JAKMIP3: variants seen among roughly 807,000 people sequenced by gnomAD.
JAKMIP3 encodes janus kinase and microtubule-interacting protein 3.
JAKMIP3 carries 58 observed loss-of-function variants against 118.5 expected under a neutral mutation model. The observed-to-expected ratio is 0.49, with a 90% confidence interval of 0.40 to 0.61. The LOEUF (loss-of-function observed/expected upper bound fraction) is 0.61, where lower values mean the gene tolerates loss of function less well. Among genes scored for constraint, JAKMIP3 ranks in the 20% least tolerant of loss-of-function variants. JAKMIP3 has a pLI of 0.00. For missense variants in JAKMIP3, 950 were observed against 1,109.0 expected (o/e 0.86, Z 2.04); for synonymous variants, 486 against 451.2 (o/e 1.08, Z -0.98).
chr10:132,110,281 C>T (rs568364459), intron 2 of JAKMIP3, among the ~76,000 whole-genome samples: 1 of 152,252 alleles, frequency 6.6e-6, no homozygotes, highest in Non-Finnish European at 1.5e-5. Context: ...GTGGCCTCCA[C>T]CAGCTCAGGC....
chr10:132,048,590 G>GGT (rs143912869), intron 1 of JAKMIP3, among the ~76,000 whole-genome samples: 19 of 151,832 alleles, frequency 1.3e-4, no homozygotes, highest in Admixed American at 7.2e-4. Flanking sequence ...ATGGTTTTGC[G>GGT]GTGTGTGTGT....
At chr10:132,120,734 C>T (rs2048406974) in intron 3 of JAKMIP3, among the ~76,000 whole-genome samples, 1 of 152,120 alleles carries the variant, frequency 6.6e-6, no homozygotes, top group South Asian at 2.1e-4. Context: ...CCAATGGGGC[C>T]CCCTTGCCTA....
chr10:132,058,791 C>A (rs183783310), intron 1 of JAKMIP3, among the ~76,000 whole-genome samples: 9 of 152,306 alleles, frequency 5.9e-5, no homozygotes, highest in Non-Finnish European at 1.2e-4. Flanking sequence ...CTGGATAAAT[C>A]CACCGTATGT....
chr10:132,157,594 T>C lies in JAKMIP3; in HGVS notation c.2220+3604T>C, dbSNP rs577006139. Among the ~76,000 whole-genome samples the C allele has an allele frequency of 2.0e-5, 3 of 152,344 alleles. No homozygotes were observed. The East Asian group carries it at 5.8e-4, about 29-fold the overall frequency. ...TATAACTTGCAGCCCAAACTTCCAC[T>C]GCATGATATGCAGCCGCCTGGTGCA... On this transcript the variant is annotated intron_variant, in intron 19 of 23. Transcript: ENST00000684848.
chr10:132,060,729 C>T (rs990757459), upstream of JAKMIP3, among the ~76,000 whole-genome samples: 7 of 152,276 alleles, frequency 4.6e-5, no homozygotes, highest in South Asian at 2.1e-4. Context: ...ATAGAAAATA[C>T]AAGAGAATGG....
intron 3 of JAKMIP3, among the ~76,000 whole-genome samples, chr10:132,121,048 T>C (rs1280620950): frequency 6.6e-6 from 1 of 151,724 alleles, no homozygotes; most frequent in Admixed American, 6.6e-5. Flanking sequence ...GGAACAGGGC[T>C]GGGACAGAAA....
At position 132,146,510 on chromosome 10, in the gene JAKMIP3, G is replaced by A. The variant is rs546910749; in HGVS notation, c.1749+930G>A. On this transcript the variant is annotated intron_variant, in intron 13 of 23. Transcript: ENST00000684848. ...AGGCCAGCAGGGCTGTCATTACCAC[G>A]CACAGGTGAGGGGTGCTCTGTGTGA... Among the ~76,000 whole-genome samples the A allele has an allele frequency of 1.3e-3, 193 of 152,270 alleles. 1 individual carries two copies. The highest frequency in any genetic ancestry group is 2.1e-3 in the South Asian group (10 of 4,826).
chr10:132,086,119 G>A (rs9419355), intron 1 of JAKMIP3, among the ~76,000 whole-genome samples: 17,757 of 152,060 alleles, frequency 0.12, 1,213 homozygotes, highest in East Asian at 0.3. Context: ...TTGTTGACCC[G>A]GTGATCATTC....
At chr10:132,171,978 T>C (rs934893653) in intron 23 of JAKMIP3, among the ~76,000 whole-genome samples, 4 of 152,124 alleles carry the variant, frequency 2.6e-5, no homozygotes, top group Non-Finnish European at 5.9e-5. Flanking sequence ...ATAATCATGA[T>C]AGATTTTCAA....
Position 132,159,036 on chromosome 10 carries a change from CTT to C in JAKMIP3, c.2221-4172_2221-4171del, listed in dbSNP as rs759966471. 3.4e-4 allele frequency among the ~76,000 whole-genome samples: 43 copies of C among 124,880 alleles called. 6 individuals carry two copies. The highest frequency in any genetic ancestry group is 6.6e-4 in the African/African-American group (21 of 31,974). The allele number at this position is 124,880 out of a possible 152,430, so 81.9% of individuals were successfully genotyped here. Reference sequence around the variant, plus strand: ...CCCTGTGTGATGCTGGGGGGGGTCTCTTCCTGTGTGATGTCAGAGGGCCCTCT... The same window carrying C: ...CCCTGTGTGATGCTGGGGGGGGTCTCCCTGTGTGATGTCAGAGGGCCCTCT... On this transcript the variant is annotated intron_variant, in intron 19 of 23. Transcript: ENST00000684848.
chr10:132,104,991 T>A, intron 2 of JAKMIP3, 48 bp downstream of exon 2: 1 of 1,550,350 alleles, frequency 6.5e-7, no homozygotes, highest in East Asian at 2.4e-5. Context: ...CCCTCCTGCC[T>A]CCCCTGGGGC....
chr10:132,102,252 A>C (rs2045068357), intron 1 of JAKMIP3, among the ~76,000 whole-genome samples: 1 of 152,098 alleles, frequency 6.6e-6, no homozygotes, highest in Non-Finnish European at 1.5e-5. Flanking sequence ...TGGAGCTGGA[A>C]AGGGGAGACA....
chr10:132,175,078 G>A (rs76167167), intron 23 of JAKMIP3, among the ~76,000 whole-genome samples: 3,525 of 152,218 alleles, frequency 0.023, 137 homozygotes, highest in African/African-American at 0.075. Context: ...TCCCTTGAGT[G>A]TCATTTAAAG....
intron 12 of JAKMIP3, 81 bp from the exon 13 acceptor site, chr10:132,145,437 T>C (rs1211107024): frequency 1.5e-6 from 2 of 1,318,780 alleles, no homozygotes; most frequent in South Asian, 1.3e-5. Context: ...TGGTCTTTGG[T>C]GTTCTGCCAC....
At chr10:132,147,694 C>T (rs1177528275) in intron 13 of JAKMIP3, among the ~76,000 whole-genome samples, 2 of 152,262 alleles carry the variant, frequency 1.3e-5, no homozygotes, top group East Asian at 1.9e-4. Context: ...AAGCTCAGGG[C>T]CCCGATATGA....
intron 13 of JAKMIP3, among the ~76,000 whole-genome samples, chr10:132,147,540 C>T (rs1052296239): frequency 9.9e-5 from 15 of 152,236 alleles, no homozygotes; most frequent in African/African-American, 3.6e-4. Flanking sequence ...CCACCTGGGA[C>T]ATTTACCCTC....
chr10:132,049,022 T>C lies in JAKMIP3; in HGVS notation c.-138+12284T>C, dbSNP rs1253786513. On this transcript the variant is annotated intron_variant, in intron 1 of 23. Transcript: ENST00000657785. This position sits in a 1 kb window ranked among gnomAD's most constrained non-coding sequence, Gnocchi z 4.3. Reference sequence around the variant, plus strand: ...TTTTCTTTTTAATGTTGCCACATTGTTTCTTTACTTCTCTGCATGTCCTGA... The same window carrying C: ...TTTTCTTTTTAATGTTGCCACATTGCTTCTTTACTTCTCTGCATGTCCTGA... 6.6e-6 allele frequency among the ~76,000 whole-genome samples: 1 copy of C among 152,154 alleles called. No homozygotes were observed. Among genetic ancestry groups the C allele is most frequent in the Non-Finnish European group, 1.5e-5 (1 of 68,026 alleles).
intron 2 of JAKMIP3, among the ~76,000 whole-genome samples, chr10:132,115,518 A>G (rs1004367665): frequency 6.6e-6 from 1 of 152,180 alleles, no homozygotes; most frequent in African/African-American, 2.4e-5. Flanking sequence ...CTCAGGGGAA[A>G]TTACGGCTGG....
intron 19 of JAKMIP3, among the ~76,000 whole-genome samples, chr10:132,159,725 T>G (rs1285701249): frequency 2.8e-5 from 2 of 72,664 alleles, no homozygotes; most frequent in African/African-American, 5.7e-5. Flanking sequence ...GCTGGGGGCA[T>G]GTCTTCCTGT....
Sources: allele counts gnomAD v4.1 joint callset (sites outside exome capture counted in the v4.1 genomes callset), GRCh38; gene constraint gnomAD v4.1.1; non-coding constraint Gnocchi (gnomAD v3.1); transcripts MANE v1.5; gene names NCBI Gene and HGNC (gene_info 2026-07-23, HGNC 2026-07-21).